The following PKD1L3 variants were observed in gnomAD, a reference collection of about 807,000 sequenced individuals.
PKD1L3 encodes polycystin 1 like 3, transient receptor potential channel interacting.
In PKD1L3, 239 loss-of-function variants were observed where a neutral mutation model predicts 184.1. The observed-to-expected ratio is 1.30, with a 90% CI of 1.17 to 1.45. The LOEUF is 1.45. Ranked by LOEUF, PKD1L3 falls within the 40% of genes most tolerant of loss-of-function variation. The pLI is 0.00. For missense variants in PKD1L3, 2,660 were observed against 2,067.2 expected (o/e 1.29, Z -5.56); for synonymous variants, 996 against 778.8 (o/e 1.28, Z -4.64).
intron 16 of PKD1L3, among the ~76,000 whole-genome samples, chr16:71,960,582 G>A (rs1188869522): frequency 6.6e-6 from 1 of 150,908 alleles, no homozygotes; most frequent in African/African-American, 2.4e-5. Flanking sequence ...ACACTTAAAT[G>A]CTCCTAATAA....
Position 71,942,927 on chromosome 16 carries a change from C to G in PKD1L3, c.3957G>C (p.Ser1319=). The G allele has an allele frequency of 1.3e-6, 2 of 1,551,374 alleles. No homozygotes were observed. The highest frequency in any genetic ancestry group is 1.7e-6 in the Non-Finnish European group (2 of 1,146,848). Residue 1319 remains serine, a synonymous_variant, in exon 24 of 30, where the codon TCG becomes TCC. Transcript: ENST00000620267. ...YLHQAIWKTF[S]HQFSEIKLLQ... is the part of the protein sequence containing the mutation. ...GAAGTTTGATTTCCGAGAACTGGTG[C>G]GAAAATGTCTTCCAGATAGCTTGGT...
intron 5 of PKD1L3, 70 bp downstream of exon 5, chr16:71,986,151 G>A: frequency 1.3e-6 from 2 of 1,509,260 alleles, no homozygotes; most frequent in Non-Finnish European, 1.8e-6. Flanking sequence ...TCTGCAGGGA[G>A]GCAAATGGGT....
chr16:71,993,095 G>A (rs1211081352), intron 3 of PKD1L3, 121 bp downstream of exon 3: 2 of 677,818 alleles, frequency 3.0e-6, no homozygotes, highest in African/African-American at 3.8e-5. Flanking sequence ...AGACAGAATA[G>A]AATGCAACGA....
In PKD1L3 at chr16:71,990,323, C is replaced by T; in HGVS notation, c.542G>A (p.Gly181Asp). Residue 181 changes from glycine (G) to aspartate (D), a missense_variant, in exon 4 of 30, where the codon GGT (glycine) becomes GAT (aspartate). Physicochemically the swap from Gly to Asp is moderately conservative, Grantham distance 94 (BLOSUM62 -1). Transcript: ENST00000620267. ...IARDKMPPGPGHLPTTCHYPL... is the reference protein window; with the variant it reads ...IARDKMPPGPDHLPTTCHYPL... The stretch of plus-strand genomic sequence containing the variant: ...ATAGTGACATGTGGTTGGAAGATGA[C>T]CAGGTCCTATAGAAAAAAGAAAGCA... The T allele has an allele frequency of 6.5e-7, 1 of 1,547,398 alleles. No homozygotes were observed. The highest frequency in any genetic ancestry group is 8.7e-7 in the Non-Finnish European group (1 of 1,143,764).
At chr16:71,995,129 G>A (rs13380464) in intron 2 of PKD1L3, among the ~76,000 whole-genome samples, 7,448 of 152,264 alleles carry the variant, frequency 0.049, 607 homozygotes, top group African/African-American at 0.17. Flanking sequence ...GGACGTCCAA[G>A]AAGAAGGCAC....
rs1319266510 is a variant in PKD1L3, at chr16:71,983,659, CTTTCTTTTTTTTTTTTT to C, written c.966+360_966+376del. ...GCATAAGGCACAATCTCCAGATTCTCTTTCTTTTTTTTTTTTTTTTTTTTTTGGAGACACAGTCTCTC... is the reference window on the plus strand; with the variant it reads ...GCATAAGGCACAATCTCCAGATTCTCTTTTTTTTTGGAGACACAGTCTCTC... On this transcript the variant is annotated intron_variant, in intron 6 of 29. Coordinates refer to ENST00000620267, the MANE Select transcript of PKD1L3 (RefSeq NM_181536.2). 2.6e-4 allele frequency among the ~76,000 whole-genome samples: 24 copies of C among 92,434 alleles called. No individual in the cohort carries two copies. The East Asian group carries it at 7.8e-3, about 30-fold the overall frequency. The allele number at this position is 92,434 out of a possible 152,430, so 60.6% of individuals were successfully genotyped here.
chr16:71,951,738 T>G lies in PKD1L3; in HGVS notation c.3016A>C (p.Lys1006Gln). 1 of 1,549,616 alleles carries G rather than the reference T, an allele frequency of 6.5e-7. No homozygotes were observed. The highest frequency in any genetic ancestry group is 2.0e-5 in the Admixed American group (1 of 50,408). The stretch of plus-strand genomic sequence containing the variant: ...CTGAGCAGGAATCTCACAGTTTCCT[T>G]TAATTCCTGAATGTAGGACCAGATG... ...LSATMVVEEL[K>Q]ETVRFLLRRN... The change falls in exon 19 of 30, where the codon AAG (lysine) becomes CAG (glutamine). Residue 1006 changes from lysine (K) to glutamine (Q), a missense_variant. Transcript: ENST00000620267.
chr16:71,993,420 TAATC>T (rs35560865), intron 2 of PKD1L3, 88 bp from the exon 3 acceptor site: 205,925 of 806,118 alleles, frequency 0.26, 28,744 homozygotes, highest in South Asian at 0.42. Flanking sequence ...ACGTATGTGA[TAATC>T]AGGAAAACAC....
intron 20 of PKD1L3, 49 bp downstream of exon 20, chr16:71,950,069 G>C: frequency 6.5e-7 from 1 of 1,548,796 alleles, no homozygotes; most frequent in Non-Finnish European, 8.7e-7. Context: ...CTGAGATAGA[G>C]GATGAGGAAG....
rs2038060242 is a variant in PKD1L3, at chr16:71,933,406, ATT to A, written c.4926+12_4926+13del. The A allele has an allele frequency of 6.6e-7, 1 of 1,518,254 alleles. No homozygotes were observed. The highest frequency in any genetic ancestry group is 1.4e-5 in the African/African-American group (1 of 72,192). 94.0% of individuals were successfully genotyped at this position (1,518,254 alleles called of 1,614,324 possible). On this transcript the variant is annotated intron_variant, in intron 28 of 29. Coordinates refer to ENST00000620267, the MANE Select transcript of PKD1L3 (RefSeq NM_181536.2). ...TATATTGAATTCTGTGAGGAAACAA[ATT>A]ATTATTTTTACCTCCTCTTGGTGAG...
At chr16:71,983,663 C>CTTTTTTTTTTTTTTTTTTTTTTTTTT (rs1180950058) in intron 6 of PKD1L3, among the ~76,000 whole-genome samples, 1 of 100,304 alleles carries the variant, frequency 1.0e-5, no homozygotes, top group Non-Finnish European at 1.9e-5. Context: ...GATTCTCTTT[C>CTTTTTTTTTTTTTTTTTTTTTTTTTT]TTTTTTTTTT....
At chr16:71,964,980 G>C (rs1349681401) in intron 15 of PKD1L3, among the ~76,000 whole-genome samples, 1 of 151,748 alleles carries the variant, frequency 6.6e-6, no homozygotes. Flanking sequence ...CCAAGTAGCT[G>C]GGAGTACAGG....
rs911016698 is a variant in PKD1L3 at position 71,951,587 on chromosome 16, T to G, written c.3167A>C (p.Gln1056Pro). 1.9e-5 allele frequency: 30 copies of G among 1,551,226 alleles called. No individual in the cohort carries two copies. The highest frequency in any genetic ancestry group is 2.6e-5 in the Non-Finnish European group (30 of 1,146,874). ...SHLEGQGCHQ[Q>P]GERHWARVVP... ...ACCACGTGCCCAGTGGCGCTCTCCC[T>G]GCTGATGACAGCCTTGACCCTCCAA... The change falls in exon 19 of 30, where the codon CAG becomes CCG. Residue 1056 changes from glutamine to proline, a missense_variant. Coordinates refer to ENST00000620267, the MANE Select transcript of PKD1L3 (RefSeq NM_181536.2).
rs1056920996 is a variant in PKD1L3 at position 71,953,110 on chromosome 16, A to T, written c.2810-17T>A. ...ATGGACGCACTGAAAGAAAAGCATG[A>T]CATCAACTTTCATCTTCAACAATTA... On this transcript the variant is annotated splice_polypyrimidine_tract_variant and intron_variant, in intron 17 of 29. Transcript: ENST00000620267. 2 of 1,444,910 alleles carry T rather than the reference A, an allele frequency of 1.4e-6. No homozygotes were observed. The highest frequency in any genetic ancestry group is 2.9e-5 in the African/African-American group (2 of 67,840). 89.5% of individuals were successfully genotyped at this position (1,444,910 alleles called of 1,614,324 possible).
intron 21 of PKD1L3, among the ~76,000 whole-genome samples, chr16:71,948,935 G>C (rs925234485): frequency 4.0e-5 from 6 of 151,244 alleles, no homozygotes; most frequent in Non-Finnish European, 7.4e-5. Flanking sequence ...ATTCCCTCAG[G>C]CTGTCCCTTT....
At chr16:71,963,586 AGCTTGGGCAACGTC>A (rs1368047040) in intron 15 of PKD1L3, among the ~76,000 whole-genome samples, 4 of 152,302 alleles carry the variant, frequency 2.6e-5, no homozygotes, top group South Asian at 2.1e-4. Flanking sequence ...ATTTGAGCAC[AGCTTGGGCAACGTC>A]GCAAAATCCC....
chr16:71,939,706 G>C (rs542759754), intron 24 of PKD1L3, among the ~76,000 whole-genome samples: 1 of 152,228 alleles, frequency 6.6e-6, no homozygotes, highest in South Asian at 2.1e-4. Flanking sequence ...TCTTGATTAG[G>C]AGAAAGATGT....
rs1368331434 is a variant in PKD1L3 at position 71,950,219 on chromosome 16, C to T, written c.3282G>A (p.Gln1094=). 6.4e-7 allele frequency: 1 copy of T among 1,552,054 alleles called. No homozygotes were observed. Among genetic ancestry groups the T allele is most frequent in the African/African-American group, 1.4e-5 (1 of 73,012 alleles). The stretch of plus-strand genomic sequence containing the variant: ...CTAGGAAGTCACAGGACTGGTGACC[C>T]TGGGTGAGACCCAGCGTGCCTAAGT... ...KSHLGTLGLT[Q]GHQSCDFLDA... is the part of the protein sequence containing the mutation. Residue 1094 remains glutamine, a synonymous_variant, in exon 20 of 30, where the codon CAG becomes CAA. Coordinates refer to ENST00000620267, the MANE Select transcript of PKD1L3 (RefSeq NM_181536.2).
intron 3 of PKD1L3, among the ~76,000 whole-genome samples, chr16:71,990,576 A>G (rs369684844): frequency 3.3e-5 from 5 of 151,980 alleles, no homozygotes; most frequent in African/African-American, 1.2e-4. Context: ...TCTACTAAAA[A>G]CATAATAATT....
Sources: gnomAD v4.1 joint callset for allele counts (sites outside exome capture counted in the v4.1 genomes callset) on GRCh38, gnomAD v4.1.1 for gene constraint, MANE v1.5 for transcripts, NCBI Gene and HGNC (gene_info 2026-07-23, HGNC 2026-07-21) for gene names.